CSRP3: variants seen among roughly 807,000 people sequenced by gnomAD.
CSRP3 encodes the protein cysteine and glycine rich protein 3, also known as cysteine and glycine-rich protein 3.
CSRP3 carries 24 observed loss-of-function variants against 24.3 expected under a neutral mutation model. That is an observed-to-expected ratio of 0.99 (90% CI 0.71 to 1.39). CSRP3 has a LOEUF of 1.39. Among genes scored for constraint, CSRP3 ranks in the 40% most tolerant of loss-of-function variants. The probability of loss-of-function intolerance (pLI) is 0.00; values close to 1 mark genes in which losing one functional copy is unlikely to be tolerated. For synonymous variants in CSRP3, 105 were observed against 94.0 expected (o/e 1.12, Z -0.68); for missense variants, 240 against 249.0 (o/e 0.96, Z 0.24).
chr11:19,187,286 A>G (rs1480054394), intron 3 of CSRP3, among the ~76,000 whole-genome samples: 2 of 152,216 alleles, frequency 1.3e-5, no homozygotes, highest in African/African-American at 4.8e-5. Context: ...CCACGTTTCC[A>G]TGCTCTCCTG....
intron 1 of CSRP3, among the ~76,000 whole-genome samples, chr11:19,200,000 T>C (rs542074723): frequency 9.8e-5 from 15 of 152,352 alleles, no homozygotes; most frequent in African/African-American, 3.6e-4. Flanking sequence ...GTCTTTCCTC[T>C]TGTAAAACAA....
rs922713852 is a variant in CSRP3, at chr11:19,197,263, T to C, written c.-29+4691A>G. Among the ~76,000 whole-genome samples the C allele has an allele frequency of 2.6e-5, 4 of 152,296 alleles. No homozygotes were observed. The East Asian group carries it at 7.7e-4, about 29-fold the overall frequency. On this transcript the variant is annotated intron_variant, in intron 1 of 5. Coordinates refer to ENST00000265968, the MANE Select transcript of CSRP3 (RefSeq NM_003476.5). ...AGGTTCTCCCACAATTTTAAGTTGTTATTCATCAATCTGAATTTTCAAAAG... is the reference window on the plus strand; with the variant it reads ...AGGTTCTCCCACAATTTTAAGTTGTCATTCATCAATCTGAATTTTCAAAAG...
intron 1 of CSRP3, among the ~76,000 whole-genome samples, chr11:19,201,166 C>T (rs533083433): frequency 8.5e-5 from 13 of 152,284 alleles, no homozygotes; most frequent in African/African-American, 3.1e-4. Flanking sequence ...TTGACTAAAA[C>T]CTAGAGGAAA....
At chr11:19,186,080 G>T in intron 4 of CSRP3, 136 bp downstream of exon 4, 1 of 1,116,896 alleles carries the variant, frequency 9.0e-7, no homozygotes, top group Non-Finnish European at 1.4e-6. Flanking sequence ...AGTGGCTGAG[G>T]ATGTGTGGTT....
At chr11:19,197,081 C>G (rs1035870718) in intron 1 of CSRP3, among the ~76,000 whole-genome samples, 1 of 152,272 alleles carries the variant, frequency 6.6e-6, no homozygotes, top group East Asian at 1.9e-4. Context: ...GCTGTGTGAT[C>G]TGGGAAAACC....
At chr11:19,191,387 T>G (rs1850611437) in intron 2 of CSRP3, among the ~76,000 whole-genome samples, 1 of 152,172 alleles carries the variant, frequency 6.6e-6, no homozygotes. Flanking sequence ...GGTGCTGGCA[T>G]GGCTGTGGGG....
chr11:19,192,412 A>T lies in CSRP3; in HGVS notation c.37T>A (p.Cys13Ser), dbSNP rs1257113692. The part of the protein sequence containing the change: ...NWGGGAKCGA[C>S]EKTVYHAEEI... ...TCTGCATGGTAGACGGTCTTTTCACAGGCTCCACATTTTGCGCCTCCGCCC... is the reference window on the plus strand; with the variant it reads ...TCTGCATGGTAGACGGTCTTTTCACTGGCTCCACATTTTGCGCCTCCGCCC... Residue 13 changes from cysteine (C) to serine (S), a missense_variant, in exon 2 of 6, where the codon TGT (cysteine) becomes AGT (serine). Cys to Ser is a moderately radical substitution (Grantham distance 112). Coordinates refer to ENST00000265968, the MANE Select transcript of CSRP3 (RefSeq NM_003476.5). 1.9e-6 allele frequency: 3 copies of T among 1,614,074 alleles called. No homozygotes were observed. The highest frequency in any genetic ancestry group is 2.2e-5 in the South Asian group (2 of 91,086).
rs139373167 is a variant in CSRP3, at chr11:19,201,193, C to G, written c.-29+761G>C. On this transcript the variant is annotated intron_variant, in intron 1 of 5. Transcript: ENST00000265968. ...TAGAGGAAACAGTGGGAATCCTAACCACTGGATAAATTATCCTCCCATTTA... is the reference window on the plus strand; with the variant it reads ...TAGAGGAAACAGTGGGAATCCTAACGACTGGATAAATTATCCTCCCATTTA... 1.3e-3 allele frequency among the ~76,000 whole-genome samples: 196 copies of G among 152,322 alleles called. 1 individual carries two copies. Among genetic ancestry groups the G allele is most frequent in the African/African-American group, 4.5e-3 (186 of 41,578 alleles).
chr11:19,186,031 A>C (rs1334375027), intron 4 of CSRP3, among the ~76,000 whole-genome samples, 185 bp downstream of exon 4: 1 of 152,114 alleles, frequency 6.6e-6, no homozygotes, highest in Non-Finnish European at 1.5e-5. Context: ...CCAGCTTTCA[A>C]AGGGCAATGC....
At chr11:19,184,033 G>C (rs566469176) in intron 5 of CSRP3, among the ~76,000 whole-genome samples, 61 of 152,306 alleles carry the variant, frequency 4.0e-4, no homozygotes, top group Non-Finnish European at 7.2e-4. Context: ...CCCCAGCCAT[G>C]TGGAACTGTG....
At chr11:19,184,706 C>G (rs377500387) in intron 5 of CSRP3, among the ~76,000 whole-genome samples, 2 of 152,308 alleles carry the variant, frequency 1.3e-5, no homozygotes, top group Admixed American at 1.3e-4. Flanking sequence ...CCTAACTTCC[C>G]GAACCACTGA....
intron 1 of CSRP3, among the ~76,000 whole-genome samples, chr11:19,195,418 T>C (rs764348682): frequency 3.3e-5 from 5 of 152,226 alleles, no homozygotes; most frequent in Non-Finnish European, 7.3e-5. Flanking sequence ...TTAAAGATGT[T>C]ACATTTTCTA....
Position 19,188,209 on chromosome 11 carries a change from C to A in CSRP3, c.208G>T (p.Gly70Trp), listed in dbSNP as rs777211110. ...VCYGRRYGPK[G>W]IGYGQGAGCL... is the part of the protein sequence containing the mutation. ...CCAGCGCCTTGTCCATACCCGATCC[C>A]TTTGGGGCCATATCTGCGCCCATAG... Residue 70 changes from glycine to tryptophan, a missense_variant, in exon 3 of 6, where the codon GGG becomes TGG. By Grantham distance (184) the Gly-to-Trp change is radical (BLOSUM62 -2). Coordinates refer to ENST00000265968, the MANE Select transcript of CSRP3 (RefSeq NM_003476.5). The A allele has an allele frequency of 4.2e-5, 68 of 1,613,762 alleles. 2 individuals are homozygous for A. The highest frequency in any genetic ancestry group is 2.2e-4 in the South Asian group (20 of 91,056).
intron 2 of CSRP3, among the ~76,000 whole-genome samples, chr11:19,189,069 A>T (rs1459020685): frequency 6.6e-6 from 1 of 152,264 alleles, no homozygotes; most frequent in Non-Finnish European, 1.5e-5. Flanking sequence ...TAGTAATATA[A>T]ATCAACAATA....
At chr11:19,184,413 G>A (rs906931908) in intron 5 of CSRP3, among the ~76,000 whole-genome samples, 17 of 152,172 alleles carry the variant, frequency 1.1e-4, no homozygotes, top group African/African-American at 3.9e-4. Context: ...AGGACCAGGA[G>A]GAAAACCAGA....
At chr11:19,201,453 C>G (rs369221872) in intron 1 of CSRP3, among the ~76,000 whole-genome samples, 9 of 152,290 alleles carry the variant, frequency 5.9e-5, no homozygotes, top group African/African-American at 2.2e-4. Flanking sequence ...AATCGCTTAT[C>G]GCTTTGTATC....
At chr11:19,183,225 C>A (rs1377125219) in intron 5 of CSRP3, among the ~76,000 whole-genome samples, 2 of 152,124 alleles carry the variant, frequency 1.3e-5, no homozygotes, top group Non-Finnish European at 2.9e-5. Context: ...CAATACTTAT[C>A]TTAGATCTGT....
rs1415570730 is a variant in CSRP3, at chr11:19,182,082, C to A, written c.*588G>T. 2.0e-5 allele frequency: 3 copies of A among 153,282 alleles called. No homozygotes were observed. Among genetic ancestry groups the A allele is most frequent in the Non-Finnish European group, 4.4e-5 (3 of 68,774 alleles). The allele number at this position is 153,282 out of a possible 1,614,324, so 9.5% of individuals were successfully genotyped here. On this transcript the variant is annotated 3_prime_UTR_variant, in exon 6 of 6. Transcript: ENST00000265968. ...CGCTTTATTGTCATTTCTGAGTTTT[C>A]ACGAGATGTGTAACATTACAAAGCC...
chr11:19,198,293 G>A (rs1403503992), intron 1 of CSRP3, among the ~76,000 whole-genome samples: 1 of 152,158 alleles, frequency 6.6e-6, no homozygotes, highest in African/African-American at 2.4e-5. Flanking sequence ...TATAACACTG[G>A]AGAGAGGACA....
Sources: allele counts gnomAD v4.1 joint callset (sites outside exome capture counted in the v4.1 genomes callset), GRCh38; gene constraint gnomAD v4.1.1; transcripts MANE v1.5; gene names NCBI Gene and HGNC (gene_info 2026-07-23, HGNC 2026-07-21).